Variants in TBL1XR1 observed in about 807,000 individuals in gnomAD.
The protein encoded by TBL1XR1 is F-box-like/WD repeat-containing protein TBL1XR1.
A neutral mutation model predicts 66.9 loss-of-function variants in TBL1XR1; 5 were observed. The observed-to-expected ratio is 0.07, with a 90% CI of 0.04 to 0.16. The LOEUF (loss-of-function observed/expected upper bound fraction) is 0.16, where lower values mean the gene tolerates loss of function less well. Among genes scored for constraint, TBL1XR1 ranks in the 10% least tolerant of loss-of-function variants. The pLI, the probability that TBL1XR1 is intolerant of heterozygous loss-of-function variation, is 1.00. For missense variants in TBL1XR1, 238 were observed against 623.2 expected, an observed-to-expected ratio of 0.38 and a Z score of 6.58; for synonymous variants, 210 against 206.0, an observed-to-expected ratio of 1.02 and a Z score of -0.17.
intron 1 of TBL1XR1, among the ~76,000 whole-genome samples, chr3:177,144,886 T>C (rs2108832316): frequency 6.6e-6 from 1 of 152,280 alleles, no homozygotes; most frequent in South Asian, 2.1e-4. Flanking sequence ...CAAAATAATA[T>C]CATTCTTTTT....
At chr3:177,190,878 G>A (rs894955998) in intron 1 of TBL1XR1, among the ~76,000 whole-genome samples, 5 of 152,122 alleles carry the variant, frequency 3.3e-5, no homozygotes, top group Middle Eastern at 3.2e-3. Flanking sequence ...AGGTCCATCC[G>A]TTCAAGAAAC....
At chr3:177,137,130 G>A (rs567048226) in intron 1 of TBL1XR1, among the ~76,000 whole-genome samples, 17 of 131,408 alleles carry the variant, frequency 1.3e-4, no homozygotes, top group African/African-American at 4.1e-4. Context: ...AAAATGTTAT[G>A]GGGGGGGAAA....
At chr3:177,053,232 A>T (rs1295905244) in intron 4 of TBL1XR1, among the ~76,000 whole-genome samples, 1 of 152,244 alleles carries the variant, frequency 6.6e-6, no homozygotes, top group Admixed American at 6.5e-5. Flanking sequence ...CTCTGTCTCA[A>T]CTACTATTAT....
At chr3:177,058,930 A>C (rs1369939412) in intron 3 of TBL1XR1, among the ~76,000 whole-genome samples, 1 of 152,240 alleles carries the variant, frequency 6.6e-6, no homozygotes, top group Non-Finnish European at 1.5e-5. Context: ...TTTGGGAAAA[A>C]AAAAGAATTG....
chr3:177,041,248 G>A (rs1715537420), intron 10 of TBL1XR1: 1 of 152,590 alleles, frequency 6.6e-6, no homozygotes, highest in African/African-American at 2.4e-5. Flanking sequence ...TCACAGAACT[G>A]CCTTGCTCTG....
rs531417376 is a variant in TBL1XR1 at position 177,095,003 on chromosome 3, GTT to G, written c.-46+3461_-46+3462del. Among the ~76,000 whole-genome samples, 284 of 150,394 alleles carry G rather than the reference GTT, an allele frequency of 1.9e-3. 4 individuals carry two copies. Among genetic ancestry groups the G allele is most frequent in the African/African-American group, 6.7e-3 (274 of 40,842 alleles). On this transcript the variant is annotated intron_variant, in intron 2 of 15. Coordinates refer to ENST00000457928, the MANE Select transcript of TBL1XR1 (RefSeq NM_024665.7). ...AAGAATAAAAAAATAAAGAAAATGC[GTT>G]ATATACATACAATGGAATCTCATTC...
intron 1 of TBL1XR1, among the ~76,000 whole-genome samples, chr3:177,143,064 GCTAT>G (rs1417383094): frequency 6.6e-6 from 1 of 151,034 alleles, no homozygotes; most frequent in Non-Finnish European, 1.5e-5. Context: ...TATGCTTAGG[GCTAT>G]CTAGTATTGC....
At chr3:177,032,382 C>G (rs1414097820) in intron 14 of TBL1XR1, 2 of 152,210 alleles carry the variant, frequency 1.3e-5, no homozygotes, top group African/African-American at 4.8e-5. Flanking sequence ...ATTATGTGTG[C>G]ACTACAACCA....
chr3:177,159,691 G>A (rs78315350), intron 1 of TBL1XR1, among the ~76,000 whole-genome samples: 5,425 of 152,196 alleles, frequency 0.036, 337 homozygotes, highest in African/African-American at 0.12. Flanking sequence ...TATAATCAGC[G>A]TTAAGTGTTA....
At chr3:177,167,370 G>A (rs1732946005) in intron 1 of TBL1XR1, among the ~76,000 whole-genome samples, 1 of 152,104 alleles carries the variant, frequency 6.6e-6, no homozygotes, top group South Asian at 2.1e-4. Flanking sequence ...AAATGTTTAG[G>A]GCAGTGAAAA....
chr3:177,115,755 G>A (rs1031744941), intron 1 of TBL1XR1, among the ~76,000 whole-genome samples: 11 of 152,150 alleles, frequency 7.2e-5, no homozygotes, highest in Non-Finnish European at 1.0e-4. Flanking sequence ...GTAGTAATGG[G>A]TTTCTTTGTT....
In TBL1XR1 at chr3:177,038,310, T is replaced by C. The variant is rs1320754324; in HGVS notation, c.1047+3A>G. ...ACTTTAATGTGGAAAAAAGGTTTCT[T>C]ACCGTATGTCCTTGGAATGTTTTAA... On this transcript the variant is annotated splice_donor_region_variant and intron_variant, in intron 11 of 15. Coordinates refer to ENST00000457928, the MANE Select transcript of TBL1XR1 (RefSeq NM_024665.7). The C allele has an allele frequency of 1.9e-6, 3 of 1,595,892 alleles. No individual in the cohort carries two copies. Among genetic ancestry groups the C allele is most frequent in the Non-Finnish European group, 8.5e-7 (1 of 1,170,166 alleles).
chr3:177,093,732 C>G (rs965152322), intron 2 of TBL1XR1, among the ~76,000 whole-genome samples: 22 of 152,260 alleles, frequency 1.4e-4, no homozygotes, highest in African/African-American at 5.1e-4. Context: ...ATAGAACACC[C>G]TATTCAACAA....
At chr3:177,068,012 G>A (rs1464664631) in intron 2 of TBL1XR1, among the ~76,000 whole-genome samples, 1 of 152,078 alleles carries the variant, frequency 6.6e-6, no homozygotes, top group Non-Finnish European at 1.5e-5. Context: ...CTTTAAACTA[G>A]GTCACAAAAC....
At chr3:177,100,017 C>T (rs1173807342) in intron 1 of TBL1XR1, among the ~76,000 whole-genome samples, 3 of 152,280 alleles carry the variant, frequency 2.0e-5, no homozygotes, top group East Asian at 1.9e-4. Flanking sequence ...CGAGGCGGGC[C>T]GCTTGAGCTC....
intron 5 of TBL1XR1, 123 bp downstream of exon 5, chr3:177,051,381 C>T: frequency 2.3e-6 from 2 of 865,000 alleles, no homozygotes; most frequent in Non-Finnish European, 3.5e-6. Flanking sequence ...ATAGTCTGTA[C>T]AACAAACCCC....
chr3:177,045,700 G>A (rs1297403064), intron 10 of TBL1XR1, among the ~76,000 whole-genome samples: 2 of 152,038 alleles, frequency 1.3e-5, no homozygotes, highest in Non-Finnish European at 2.9e-5. Flanking sequence ...GTATTTTCAT[G>A]TATATCATTT....
At chr3:177,173,330 C>G (rs1350350790) in intron 1 of TBL1XR1, among the ~76,000 whole-genome samples, 1 of 152,170 alleles carries the variant, frequency 6.6e-6, no homozygotes, top group African/African-American at 2.4e-5. Flanking sequence ...GATTAGTAGA[C>G]TCACTTCTAA....
At chr3:177,110,518 T>G (rs755118686) in intron 1 of TBL1XR1, among the ~76,000 whole-genome samples, 10 of 152,106 alleles carry the variant, frequency 6.6e-5, no homozygotes, top group African/African-American at 9.7e-5. Flanking sequence ...TTCCCTACTG[T>G]GTTCACTATT....
Sources: allele counts gnomAD v4.1 joint callset (sites outside exome capture counted in the v4.1 genomes callset), GRCh38; gene constraint gnomAD v4.1.1; transcripts MANE v1.5; gene names NCBI Gene and HGNC (gene_info 2026-07-23, HGNC 2026-07-21).